The following MUC12 variants were observed in gnomAD, a reference collection of about 807,000 sequenced individuals.
The protein encoded by MUC12 is mucin-12.
Under a neutral mutation model 230.8 loss-of-function variants are expected in MUC12, and 172 were observed. The ratio of observed to expected loss-of-function variants is 0.75; its 90% CI spans 0.66 to 0.85. The LOEUF (loss-of-function observed/expected upper bound fraction) is 0.85, where lower values mean the gene tolerates loss of function less well. Among genes scored for constraint, MUC12 ranks in the 40% least tolerant of loss-of-function variants. MUC12 has a pLI of 0.00. For missense variants in MUC12, 3,506 were observed against 5,920.6 expected (o/e 0.59, Z 13.38); for synonymous variants, 1,259 against 2,401.9 (o/e 0.52, Z 13.91).
In MUC12 at chr7:100,991,354, C is replaced by G; in HGVS notation, c.791C>G (p.Ser264Cys). The change falls in exon 2 of 12, where the codon TCC becomes TGC. Residue 264 changes from serine to cysteine, a missense_variant. Ser to Cys is a moderately radical substitution (Grantham distance 112). Coordinates refer to ENST00000536621, the MANE Select transcript of MUC12 (RefSeq NM_001164462.2). ...SSTGSPHTTL[S>C]PSSSTTHEGE... ...ACTGGATCGCCACACACAACACTGT[C>G]CCCTTCCAGCTCTACAACCCATGAG... 1 of 1,537,794 alleles carries G rather than the reference C, an allele frequency of 6.5e-7. No homozygotes were observed. Among genetic ancestry groups the G allele is most frequent in the East Asian group, 2.4e-5 (1 of 40,916 alleles).
rs761229174 is a variant in MUC12 at position 100,992,923 on chromosome 7, C to G, written c.2360C>G (p.Thr787Arg). Residue 787 changes from threonine (T) to arginine (R), a missense_variant, in exon 2 of 12, where the codon ACA (threonine) becomes AGA (arginine). Transcript: ENST00000536621. ...ACAATAGTCCTACCTGCCCGCTCCA[C>G]AACCTCAGTTCTTCTTGGAGAATCT... ...TGTIVLPARS[T>R]TSVLLGESTT... is the part of the protein sequence containing the mutation. 3.9e-6 allele frequency: 6 copies of G among 1,537,494 alleles called. No homozygotes were observed. The Admixed American group carries it at 1.2e-4, about 30-fold the overall frequency.
chr7:101,005,564 C>A, intron 2 of MUC12, 45 bp downstream of exon 2: 1 of 1,500,028 alleles, frequency 6.7e-7, no homozygotes, highest in Non-Finnish European at 8.9e-7. Flanking sequence ...CTTCTCCAGG[C>A]CTGTCCATGA....
Position 100,992,428 on chromosome 7 carries a change from C to A in MUC12, c.1865C>A (p.Ala622Asp). The change falls in exon 2 of 12, where the codon GCC becomes GAC. Residue 622 changes from alanine (A) to aspartate (D), a missense_variant. Coordinates refer to ENST00000536621, the MANE Select transcript of MUC12 (RefSeq NM_001164462.2). Reference protein sequence around the residue: ...TRSPHTTLSPAGSTTRQGEST... With the variant: ...TRSPHTTLSPDGSTTRQGEST... ...TCGCCACACACAACACTGTCCCCTGCCGGCTCTACAACCCGTCAGGGAGAA... is the reference window on the plus strand; with the variant it reads ...TCGCCACACACAACACTGTCCCCTGACGGCTCTACAACCCGTCAGGGAGAA... The A allele has an allele frequency of 6.5e-7, 1 of 1,537,996 alleles. No individual in the cohort carries two copies.
rs776155194 is a variant in MUC12 at position 101,006,580 on chromosome 7, C to A, written c.15058+8C>A. 31 of 1,524,324 alleles carry A rather than the reference C, an allele frequency of 2.0e-5. No individual in the cohort carries two copies. In the East Asian group the frequency reaches 5.6e-4, roughly 28 times the overall value. The allele number at this position is 1,524,324 out of a possible 1,614,324, so 94.4% of individuals were successfully genotyped here. ...TGGAATCCTTCCCTGTAGGTAATGA[C>A]CTTTTCTGAGACCTGCAGCTCTTTG... is the stretch of plus-strand genomic sequence containing the variant. On this transcript the variant is annotated splice_region_variant and intron_variant, in intron 3 of 11. Coordinates refer to ENST00000536621, the MANE Select transcript of MUC12 (RefSeq NM_001164462.2).
At position 100,991,251 on chromosome 7, in the gene MUC12, T is replaced by A; in HGVS notation, c.688T>A (p.Tyr230Asn). 2 of 1,537,454 alleles carry A rather than the reference T, an allele frequency of 1.3e-6. No individual in the cohort carries two copies. Among genetic ancestry groups the A allele is most frequent in the Non-Finnish European group, 1.7e-6 (2 of 1,146,966 alleles). The part of the protein sequence containing the change: ...ESTTFHSSPG[Y>N]TKTTRLPDNT... ...TACTACCTTCCACAGCAGCCCAGGC[T>A]ACACTAAAACAACACGCTTACCTGA... The change falls in exon 2 of 12, where the codon TAC (tyrosine) becomes AAC (asparagine). Residue 230 changes from tyrosine to asparagine, a missense_variant. Tyr to Asn is a moderately radical substitution (Grantham distance 143). Transcript: ENST00000536621.
rs201265513 is a variant in MUC12 at position 101,004,579 on chromosome 7, G to C, written c.14016G>C (p.Glu4672Asp). ...PGSIATTHFP[E>D]SSTTSGRSEE... is the part of the protein sequence containing the mutation. ...CAATTGCAACAACACACTTTCCTGA[G>C]AGCTCCACAACCTCCGGCCGTAGTG... The change falls in exon 2 of 12, where the codon GAG (glutamate) becomes GAC (aspartate). Residue 4672 changes from glutamate (E) to aspartate (D), a missense_variant. Coordinates refer to ENST00000536621, the MANE Select transcript of MUC12 (RefSeq NM_001164462.2). 5.6e-4 allele frequency: 865 copies of C among 1,532,470 alleles called. No individual in the cohort carries two copies. The highest frequency in any genetic ancestry group is 7.0e-4 in the Non-Finnish European group (800 of 1,145,214). The allele number at this position is 1,532,470 out of a possible 1,614,324, so 94.9% of individuals were successfully genotyped here. A position where few individuals can be genotyped will look rare whatever the true frequency, so the allele number is the denominator to read the frequency against.
intron 8 of MUC12, among the ~76,000 whole-genome samples, chr7:101,013,388 T>C (rs1468921040): frequency 1.3e-5 from 2 of 152,242 alleles, no homozygotes; most frequent in Non-Finnish European, 2.9e-5. Context: ...AAGTTCATGC[T>C]GTCAATTTCC....
chr7:100,971,778 C>G (rs1221607141), intron 1 of MUC12, among the ~76,000 whole-genome samples: 1 of 152,310 alleles, frequency 6.6e-6, no homozygotes, highest in African/African-American at 2.4e-5. Context: ...AAGGCCTGGC[C>G]TAGCAGATCT....
rs60826346 is a variant in MUC12 at position 101,001,223 on chromosome 7, T to G, written c.10660T>G (p.Ser3554Ala). The part of the protein sequence containing the change: ...SQESTTSHSS[S>A]GSTDTALSPG... ...GGAATCAACAACTTCCCACAGCAGC[T>G]CAGGTTCAACTGACACAGCACTGTC... Residue 3554 changes from serine to alanine, a missense_variant, in exon 2 of 12, where the codon TCA becomes GCA. Ser to Ala is a moderately conservative substitution (Grantham distance 99). Transcript: ENST00000536621. The G allele has an allele frequency of 1.2e-4, 117 of 937,688 alleles. No homozygotes were observed. In the African/African-American group the frequency reaches 2.3e-3, roughly 19 times the overall value. The allele number at this position is 937,688 out of a possible 1,614,324, so 58.1% of individuals were successfully genotyped here. A position where few individuals can be genotyped will look rare whatever the true frequency, so the allele number is the denominator to read the frequency against.
intron 1 of MUC12, among the ~76,000 whole-genome samples, chr7:100,975,562 G>A (rs1342600953): frequency 6.6e-6 from 1 of 152,300 alleles, no homozygotes; most frequent in African/African-American, 2.4e-5. Flanking sequence ...CAGGTGCTCT[G>A]GATAAGGCAG....
At chr7:100,978,639 T>C (rs1259242665) in intron 1 of MUC12, among the ~76,000 whole-genome samples, 4 of 151,986 alleles carry the variant, frequency 2.6e-5, no homozygotes, top group African/African-American at 9.7e-5. Context: ...GGGGACTTCA[T>C]TGACTGATTT....
At chr7:101,011,292 C>T (rs925324202) in intron 5 of MUC12, among the ~76,000 whole-genome samples, 2 of 152,110 alleles carry the variant, frequency 1.3e-5, no homozygotes, top group African/African-American at 4.8e-5. Context: ...TGTCCAAGTC[C>T]TCCTGAGTCC....
chr7:101,004,819 C>G lies in MUC12; in HGVS notation c.14256C>G (p.Leu4752=), dbSNP rs1478227687. The change falls in exon 2 of 12, where the codon CTC becomes CTG. Residue 4752 remains leucine (L), a synonymous_variant. Coordinates refer to ENST00000536621, the MANE Select transcript of MUC12 (RefSeq NM_001164462.2). ...YSSSRSPDQT[L]SPASMTSSSI... ...GCTCCAGATCACCAGACCAAACACT[C>G]TCACCTGCCAGCATGACAAGCTCCA... 8 of 1,537,548 alleles carry G rather than the reference C, an allele frequency of 5.2e-6. No homozygotes were observed. The Admixed American group carries it at 1.4e-4, about 26-fold the overall frequency.
chr7:100,971,870 G>A (rs1487065565), intron 1 of MUC12, among the ~76,000 whole-genome samples: 1 of 152,312 alleles, frequency 6.6e-6, no homozygotes, highest in African/African-American at 2.4e-5. Context: ...AGGTGGCATT[G>A]CCTCTGTGTA....
intron 8 of MUC12, among the ~76,000 whole-genome samples, 194 bp downstream of exon 8, chr7:101,013,336 A>G (rs1285606428): frequency 1.3e-5 from 2 of 152,210 alleles, no homozygotes; most frequent in Non-Finnish European, 2.9e-5. Context: ...GGAGTAGATT[A>G]TAGACATAGA....
At position 101,018,759 on chromosome 7, in the gene MUC12, T is replaced by C; in HGVS notation, c.*123T>C. 9.8e-7 allele frequency: 1 copy of C among 1,021,744 alleles called. No homozygotes were observed. Among genetic ancestry groups the C allele is most frequent in the Non-Finnish European group, 1.4e-6 (1 of 725,414 alleles). 63.3% of individuals were successfully genotyped at this position (1,021,744 alleles called of 1,614,324 possible). The stretch of plus-strand genomic sequence containing the variant: ...AGTCAGGCCCTGAAGCCGGTCCTGC[T>C]CTGAGCTGACAGACTTGGCCAGTCC... On this transcript the variant is annotated 3_prime_UTR_variant, in exon 12 of 12. Coordinates refer to ENST00000536621, the MANE Select transcript of MUC12 (RefSeq NM_001164462.2).
rs112673062 is a variant in MUC12, at chr7:100,982,445, T to C, written c.68-8186T>C. On this transcript the variant is annotated intron_variant, in intron 1 of 11. Transcript: ENST00000536621. ...AGTCATTTTTCTTTTCTTTTCTTTT[T>C]TTTTTTTTAGAAACAGGGTCTTGCT... Among the ~76,000 whole-genome samples the C allele has an allele frequency of 7.0e-3, 1,061 of 151,874 alleles. 12 individuals are homozygous for C. The highest frequency in any genetic ancestry group is 0.025 in the African/African-American group (1,020 of 41,492).
In MUC12 at chr7:101,013,103, T is replaced by C. The variant is rs1374640633; in HGVS notation, c.15599T>C (p.Leu5200Pro). 18 of 1,537,302 alleles carry C rather than the reference T, an allele frequency of 1.2e-5. No individual in the cohort carries two copies. Among genetic ancestry groups the C allele is most frequent in the Non-Finnish European group, 1.6e-5 (18 of 1,146,920 alleles). Residue 5200 changes from leucine (L) to proline (P), a missense_variant, in exon 8 of 12, where the codon CTG becomes CCG. Transcript: ENST00000536621. ...KGTKSQMNCN[L>P]GTCQLQRSGP... ...ACGAAGTCGCAAATGAACTGTAACC[T>C]GGGCACATGTCAGCTGCAACGCAGT...
rs1243387449 is a variant in MUC12 at position 100,992,841 on chromosome 7, A to G, written c.2278A>G (p.Thr760Ala). ...ATTHFPDSST[T>A]SGRSEESTAS... ...AACACACTTCCCTGACAGCTCCACAACCTCAGGCCGTAGTGAGGAATCAAC... is the reference window on the plus strand; with the variant it reads ...AACACACTTCCCTGACAGCTCCACAGCCTCAGGCCGTAGTGAGGAATCAAC... Residue 760 changes from threonine (T) to alanine (A), a missense_variant, in exon 2 of 12, where the codon ACC (threonine) becomes GCC (alanine). Thr to Ala is a moderately conservative substitution (Grantham distance 58, BLOSUM62 0). Transcript: ENST00000536621. The G allele has an allele frequency of 6.5e-7, 1 of 1,537,286 alleles. No homozygotes were observed. Among genetic ancestry groups the G allele is most frequent in the East Asian group, 2.4e-5 (1 of 40,922 alleles).
Sources: allele counts gnomAD v4.1 joint callset (sites outside exome capture counted in the v4.1 genomes callset), GRCh38; gene constraint gnomAD v4.1.1; transcripts MANE v1.5; gene names NCBI Gene and HGNC (gene_info 2026-07-23, HGNC 2026-07-21).